PRRX2: variants seen among roughly 807,000 people sequenced by gnomAD.
The protein encoded by PRRX2 is paired mesoderm homeobox protein 2.
PRRX2 carries 11 observed loss-of-function variants against 18.0 expected under a neutral mutation model. The ratio of observed to expected loss-of-function variants is 0.61; its 90% CI spans 0.39 to 1.01. The LOEUF (loss-of-function observed/expected upper bound fraction) is 1.01. Among genes scored for constraint, PRRX2 ranks in the 50% least tolerant of loss-of-function variants. The pLI, the probability that PRRX2 is intolerant of heterozygous loss-of-function variation, is 0.01. For missense variants in PRRX2, 387 were observed against 351.0 expected (o/e 1.10, Z -0.82); for synonymous variants, 177 against 154.8 (o/e 1.14, Z -1.06).
chr9:129,722,105 T>C (rs1588179184), intron 3 of PRRX2, 112 bp from the exon 4 acceptor site: 1 of 1,441,106 alleles, frequency 6.9e-7, no homozygotes, highest in East Asian at 2.3e-5. Context: ...GGGTGAAGGC[T>C]GCCCAGGAGA....
intron 2 of PRRX2, among the ~76,000 whole-genome samples, chr9:129,719,763 G>C (rs868196682): frequency 6.6e-6 from 1 of 152,196 alleles, no homozygotes; most frequent in African/African-American, 2.4e-5. Context: ...GAGGTGGGTG[G>C]ATCACTTGAG....
intron 1 of PRRX2, among the ~76,000 whole-genome samples, chr9:129,679,903 C>T (rs1159748064): frequency 6.6e-6 from 1 of 152,152 alleles, no homozygotes; most frequent in Non-Finnish European, 1.5e-5. Flanking sequence ...AGTGGCCCGG[C>T]TCTGCTGTGG....
At chr9:129,687,459 G>T (rs1372074121) in intron 1 of PRRX2, among the ~76,000 whole-genome samples, 1 of 152,096 alleles carries the variant, frequency 6.6e-6, no homozygotes, top group Non-Finnish European at 1.5e-5. Context: ...GGAAACTGAG[G>T]CACAGAGAGG....
chr9:129,689,617 G>A (rs1362264170), intron 1 of PRRX2, among the ~76,000 whole-genome samples: 1 of 152,020 alleles, frequency 6.6e-6, no homozygotes, highest in East Asian at 2.0e-4. Flanking sequence ...GGTGTCGCCA[G>A]TGAGTGGTCC....
In PRRX2 at chr9:129,665,937, C is replaced by T; in HGVS notation, c.70C>T (p.Pro24Ser). 8.9e-7 allele frequency: 1 copy of T among 1,126,484 alleles called. No individual in the cohort carries two copies. 69.8% of individuals were successfully genotyped at this position (1,126,484 alleles called of 1,614,324 possible). The change falls in exon 1 of 4, where the codon CCC (proline) becomes TCC (serine). Residue 24 changes from proline (P) to serine (S), a missense_variant. By Grantham distance (74) the Pro-to-Ser change is moderately conservative. Transcript: ENST00000372469. This position sits in a 1 kb window ranked among gnomAD's most constrained non-coding sequence, Gnocchi z 5.3. ...ALGPGPPPPP[P>S]ALGPGDCAQA... ...GGGCCCGGGGCCGCCGCCGCCTCCA[C>T]CCGCGCTGGGGCCCGGCGACTGCGC...
chr9:129,668,349 C>T (rs1832054080), intron 1 of PRRX2, among the ~76,000 whole-genome samples: 1 of 152,164 alleles, frequency 6.6e-6, no homozygotes, highest in African/African-American at 2.4e-5. Flanking sequence ...AGACCCCAGG[C>T]CAGTGGGCTG....
intron 1 of PRRX2, among the ~76,000 whole-genome samples, chr9:129,684,477 AGAAAT>A (rs1327825401): frequency 2.5e-4 from 27 of 107,464 alleles, no homozygotes; most frequent in Non-Finnish European, 3.4e-4. Context: ...AAAAGATACC[AGAAAT>A]CACACACACA....
chr9:129,691,029 T>A (rs529058805), intron 1 of PRRX2, among the ~76,000 whole-genome samples: 1 of 151,920 alleles, frequency 6.6e-6, no homozygotes, highest in Non-Finnish European at 1.5e-5. Context: ...ACACAGATAT[T>A]ATTAAAAATT....
intron 1 of PRRX2, among the ~76,000 whole-genome samples, chr9:129,666,342 C>T (rs1239644013): frequency 6.6e-6 from 1 of 152,156 alleles, no homozygotes; most frequent in African/African-American, 2.4e-5. Flanking sequence ...GGGTGCGTCC[C>T]CACGGGGAAG....
rs1337587504 is a variant in PRRX2 at position 129,719,331 on chromosome 9, G to A, written c.360G>A (p.Glu120=). The A allele has an allele frequency of 6.9e-6, 11 of 1,603,940 alleles. No homozygotes were observed. Among genetic ancestry groups the A allele is most frequent in the South Asian group, 2.2e-5 (2 of 89,682 alleles). Residue 120 remains glutamate (E), a synonymous_variant, in exon 2 of 4, where the codon GAG becomes GAA. Transcript: ENST00000372469. ...ACAGCAGCCAACTGCAGGCGCTGGA[G>A]CGCGTGTTCGAGCGCACGCACTACC... ...TFNSSQLQAL[E]RVFERTHYPD... is the part of the protein sequence containing the mutation.
chr9:129,673,252 C>T (rs899031980), intron 1 of PRRX2, among the ~76,000 whole-genome samples: 7 of 152,114 alleles, frequency 4.6e-5, no homozygotes, highest in African/African-American at 1.7e-4. Context: ...AGTTCAAGAC[C>T]AGCTTGAGCA....
chr9:129,702,513 C>T (rs1362315627), intron 1 of PRRX2, among the ~76,000 whole-genome samples: 1 of 152,122 alleles, frequency 6.6e-6, no homozygotes, highest in African/African-American at 2.4e-5. Flanking sequence ...TGAAATGTGG[C>T]CTGTTCGACT....
intron 1 of PRRX2, among the ~76,000 whole-genome samples, chr9:129,686,906 C>T (rs1320472711): frequency 1.3e-5 from 2 of 152,148 alleles, no homozygotes; most frequent in African/African-American, 4.8e-5. Context: ...GGGCAGAATG[C>T]TAATGAAATC....
chr9:129,694,786 T>C (rs962539638), intron 1 of PRRX2, among the ~76,000 whole-genome samples: 3 of 152,124 alleles, frequency 2.0e-5, no homozygotes, highest in South Asian at 2.1e-4. Flanking sequence ...TTAAAGTACC[T>C]GGCACATAGG....
chr9:129,680,471 C>G (rs954797739), intron 1 of PRRX2, among the ~76,000 whole-genome samples: 2 of 125,288 alleles, frequency 1.6e-5, no homozygotes, highest in Non-Finnish European at 1.7e-5. Context: ...CTCTCCCACC[C>G]CCCCCACCCG....
At chr9:129,708,202 A>C (rs1832580157) in intron 1 of PRRX2, among the ~76,000 whole-genome samples, 1 of 151,984 alleles carries the variant, frequency 6.6e-6, no homozygotes, top group South Asian at 2.1e-4. Context: ...CGCCTGGCTA[A>C]TTTTTGTATT....
intron 1 of PRRX2, among the ~76,000 whole-genome samples, chr9:129,714,798 G>A (rs1053556747): frequency 2.6e-5 from 4 of 152,130 alleles, no homozygotes; most frequent in Non-Finnish European, 5.9e-5. Context: ...GAAACTTCCC[G>A]AAAATGTCTC....
intron 1 of PRRX2, among the ~76,000 whole-genome samples, chr9:129,669,544 G>A (rs1207748991): frequency 2.0e-5 from 3 of 152,252 alleles, no homozygotes; most frequent in Non-Finnish European, 2.9e-5. Flanking sequence ...AAGGCTGGGC[G>A]GCCAGTGCTC....
chr9:129,692,615 G>A (rs1452472738), intron 1 of PRRX2, among the ~76,000 whole-genome samples: 1 of 152,108 alleles, frequency 6.6e-6, no homozygotes, highest in Admixed American at 6.5e-5. Context: ...CCAAAGATTT[G>A]CCTTTTTCAG....
Sources: allele counts gnomAD v4.1 joint callset (sites outside exome capture counted in the v4.1 genomes callset), GRCh38; gene constraint gnomAD v4.1.1; non-coding constraint Gnocchi (gnomAD v3.1); transcripts MANE v1.5; gene names NCBI Gene and HGNC (gene_info 2026-07-23, HGNC 2026-07-21).